Variants in PLEKHG1 observed in about 807,000 individuals in gnomAD.
The protein encoded by PLEKHG1 is pleckstrin homology and RhoGEF domain containing G1.
Under a neutral mutation model 100.8 loss-of-function variants are expected in PLEKHG1, and 44 were observed. That is an observed-to-expected ratio of 0.44 (90% confidence interval 0.34 to 0.56). PLEKHG1 has a LOEUF of 0.56. Ranked by LOEUF, PLEKHG1 falls within the 20% of genes least tolerant of loss-of-function variation. The probability of loss-of-function intolerance (pLI) is 0.01; values close to 1 mark genes in which losing one functional copy is unlikely to be tolerated. For missense variants in PLEKHG1, 1,545 were observed against 1,720.9 expected (o/e 0.90, Z 1.81); for synonymous variants, 640 against 662.5 (o/e 0.97, Z 0.52).
rs1022940054 is a variant in PLEKHG1, at chr6:150,815,379, C to A, written c.1279-2804C>A. ...TTAAATGTCCAGACAAAAAAAAATT[C>A]TTGAAGTCAGCTTTACAGATACCAG... is the stretch of plus-strand genomic sequence containing the variant. On this transcript the variant is annotated intron_variant, in intron 10 of 15. Coordinates refer to ENST00000358517, the Ensembl canonical transcript of PLEKHG1. 8.5e-5 allele frequency among the ~76,000 whole-genome samples: 13 copies of A among 152,142 alleles called. 1 individual carries two copies. In the South Asian group the frequency reaches 1.7e-3, roughly 19 times the overall value.
At chr6:150,609,535 A>G (rs1776735883) in intron 1 of PLEKHG1, among the ~76,000 whole-genome samples, 1 of 152,158 alleles carries the variant, frequency 6.6e-6, no homozygotes, top group African/African-American at 2.4e-5. Context: ...AGTAAGCAGG[A>G]GATGAGGTGG....
At chr6:150,779,693 G>A (rs992052052) in intron 3 of PLEKHG1, among the ~76,000 whole-genome samples, 13 of 151,718 alleles carry the variant, frequency 8.6e-5, no homozygotes, top group Non-Finnish European at 1.5e-4. Context: ...AAGGCCGGGC[G>A]TGGTGGCTCA....
chr6:150,659,671 T>G (rs1779107854), intron 3 of PLEKHG1, among the ~76,000 whole-genome samples: 1 of 152,242 alleles, frequency 6.6e-6, no homozygotes, highest in Non-Finnish European at 1.5e-5. Flanking sequence ...TTCTCCTTTT[T>G]AAATTACTGC....
At chr6:150,692,234 C>T (rs1328819388) in intron 3 of PLEKHG1, among the ~76,000 whole-genome samples, 2 of 152,162 alleles carry the variant, frequency 1.3e-5, no homozygotes, top group Non-Finnish European at 2.9e-5. Flanking sequence ...TCAAAATTAA[C>T]CCATTTTATA....
chr6:150,768,471 G>A (rs1784550492), intron 2 of PLEKHG1, among the ~76,000 whole-genome samples, 167 bp from the exon 4 acceptor site: 1 of 152,198 alleles, frequency 6.6e-6, no homozygotes, highest in Non-Finnish European at 1.5e-5. Flanking sequence ...CTATAAATAG[G>A]TGAGTATTAG....
intron 10 of PLEKHG1, among the ~76,000 whole-genome samples, chr6:150,814,376 T>C (rs1426570894): frequency 6.6e-6 from 1 of 152,262 alleles, no homozygotes; most frequent in Non-Finnish European, 1.5e-5. Context: ...GAAGTTCCCT[T>C]TAAGTATTCA....
At chr6:150,830,016 A>G (rs1266195536) in intron 14 of PLEKHG1, among the ~76,000 whole-genome samples, 1 of 152,220 alleles carries the variant, frequency 6.6e-6, no homozygotes, top group African/African-American at 2.4e-5. Context: ...AATATTTGCC[A>G]AATGTACACC....
intron 1 of PLEKHG1, among the ~76,000 whole-genome samples, chr6:150,721,603 C>T (rs1271540594): frequency 3.3e-5 from 5 of 152,164 alleles, no homozygotes. Flanking sequence ...GGTTCATATG[C>T]AGTCAAAGTT....
At chr6:150,627,464 G>T (rs1777554736) in intron 1 of PLEKHG1, among the ~76,000 whole-genome samples, 1 of 152,022 alleles carries the variant, frequency 6.6e-6, no homozygotes, top group Non-Finnish European at 1.5e-5. Flanking sequence ...CAGATCCCAA[G>T]GGTGAAGAGA....
chr6:150,691,601 C>A (rs1460658124), intron 3 of PLEKHG1, among the ~76,000 whole-genome samples: 1 of 152,206 alleles, frequency 6.6e-6, no homozygotes, highest in African/African-American at 2.4e-5. Flanking sequence ...TTCCTCATTT[C>A]TTAATGACAG....
chr6:150,688,415 G>C (rs1327917722), intron 3 of PLEKHG1, among the ~76,000 whole-genome samples: 1 of 152,038 alleles, frequency 6.6e-6, no homozygotes, highest in Non-Finnish European at 1.5e-5. Context: ...CCGCCTCCCG[G>C]GTTCAAGTGA....
chr6:150,809,256 A>G (rs865867225), exon 8 of PLEKHG1: 5 of 1,614,064 alleles, frequency 3.1e-6, no homozygotes, highest in Admixed American at 1.7e-5. Flanking sequence ...AAGAAGAGAG[A>G]TGACACGTTT....
intron 2 of PLEKHG1, among the ~76,000 whole-genome samples, chr6:150,760,885 C>T (rs370616883): frequency 6.0e-4 from 91 of 151,910 alleles, no homozygotes; most frequent in African/African-American, 2.1e-3. Context: ...TTTTCTGCTA[C>T]GTTATTATTG....
At chr6:150,632,708 T>A (rs1460554946) in intron 1 of PLEKHG1, among the ~76,000 whole-genome samples, 1 of 152,262 alleles carries the variant, frequency 6.6e-6, no homozygotes, top group Non-Finnish European at 1.5e-5. Flanking sequence ...GCAGTCTTGG[T>A]GACAGGATAC....
rs147615374 is a variant in PLEKHG1 at position 150,789,300 on chromosome 6, A to G, written c.582+2841A>G. Among the ~76,000 whole-genome samples the G allele has an allele frequency of 4.6e-5, 7 of 152,342 alleles. No individual in the cohort carries two copies. The East Asian group carries it at 1.3e-3, about 29-fold the overall frequency. ...TTTCTTATGATTTATATATATTTGT[A>G]TAACACATTCCCTTAAATCCTTCTA... On this transcript the variant is annotated intron_variant, in intron 4 of 15. Coordinates refer to ENST00000358517, the Ensembl canonical transcript of PLEKHG1.
intron 3 of PLEKHG1, among the ~76,000 whole-genome samples, chr6:150,682,590 G>C (rs1368614742): frequency 3.3e-5 from 5 of 152,112 alleles, no homozygotes; most frequent in African/African-American, 1.2e-4. Context: ...GCTGACATCG[G>C]AGATTGTGTC....
At chr6:150,642,778 T>C (rs545875500) in intron 2 of PLEKHG1, among the ~76,000 whole-genome samples, 3 of 152,348 alleles carry the variant, frequency 2.0e-5, no homozygotes, top group African/African-American at 7.2e-5. Context: ...CATTGATAAC[T>C]GTATTACAGC....
chr6:150,761,482 A>C (rs1238488530), intron 2 of PLEKHG1, among the ~76,000 whole-genome samples: 1 of 151,642 alleles, frequency 6.6e-6, no homozygotes, highest in Non-Finnish European at 1.5e-5. Flanking sequence ...TAATTTTTGT[A>C]TTTTTGTAGA....
intron 3 of PLEKHG1, among the ~76,000 whole-genome samples, chr6:150,655,731 GAAAA>G (rs1177376725): frequency 3.6e-4 from 42 of 115,506 alleles, no homozygotes; most frequent in Non-Finnish European, 7.3e-4. Flanking sequence ...AAAAAAAAAA[GAAAA>G]TGTGACAAAT....
Sources: gnomAD v4.1 joint callset for allele counts (sites outside exome capture counted in the v4.1 genomes callset) on GRCh38, gnomAD v4.1.1 for gene constraint, MANE v1.5 for transcripts, NCBI Gene and HGNC (gene_info 2026-07-23, HGNC 2026-07-21) for gene names.